Variants in MGAT4A observed in about 807,000 individuals in gnomAD.
The protein encoded by MGAT4A is N-acetylglucosaminyltransferase IVa.
In MGAT4A, 33 loss-of-function variants were observed where a neutral mutation model predicts 74.1. The observed-to-expected ratio is 0.45, with a 90% CI of 0.34 to 0.60. MGAT4A has a LOEUF of 0.60. Among genes scored for constraint, MGAT4A ranks in the 20% least tolerant of loss-of-function variants. MGAT4A has a pLI of 0.02. For synonymous variants in MGAT4A, 198 were observed against 210.4 expected, an observed-to-expected ratio of 0.94 and a Z score of 0.51; for missense variants, 479 against 628.3, an observed-to-expected ratio of 0.76 and a Z score of 2.54.
intron 14 of MGAT4A, among the ~76,000 whole-genome samples, chr2:98,629,597 T>C (rs1701197659): frequency 6.6e-6 from 1 of 152,138 alleles, no homozygotes; most frequent in South Asian, 2.1e-4. Context: ...TGCCCAGCAA[T>C]TTATCCTCTC....
chr2:98,663,401 A>G, intron 4 of MGAT4A: 1 of 1,511,972 alleles, frequency 6.6e-7, no homozygotes, highest in Non-Finnish European at 8.8e-7. Flanking sequence ...ACTGATAAAA[A>G]TGAAAGACAT....
chr2:98,689,537 A>G (rs1702168072), intron 2 of MGAT4A, among the ~76,000 whole-genome samples: 1 of 152,226 alleles, frequency 6.6e-6, no homozygotes, highest in Non-Finnish European at 1.5e-5. Context: ...TATTATAAAT[A>G]AGAAGGCTGG....
intron 2 of MGAT4A, among the ~76,000 whole-genome samples, chr2:98,697,865 TACA>T (rs1170067563): frequency 2.6e-5 from 4 of 152,188 alleles, no homozygotes; most frequent in South Asian, 4.1e-4. Context: ...TGTGTATTCA[TACA>T]ACAAGATTAA....
At chr2:98,649,040 C>A (rs370619319) in intron 8 of MGAT4A, among the ~76,000 whole-genome samples, 1 of 152,176 alleles carries the variant, frequency 6.6e-6, no homozygotes, top group East Asian at 1.9e-4. Context: ...CTCTGAAAAA[C>A]AAAAGAATGT....
rs925725793 is a variant in MGAT4A, at chr2:98,623,156, C to T, written c.*2410G>A. ...GGGTAGATTCATGGGGAGAGAAGCA[C>T]AAAAAAGTCCTGGAATGATAGGAAA... On this transcript the variant is annotated 3_prime_UTR_variant, in exon 16 of 16. Coordinates refer to ENST00000393487, the MANE Select transcript of MGAT4A (RefSeq NM_012214.3). The T allele has an allele frequency of 7.1e-6, 7 of 985,200 alleles. No individual in the cohort carries two copies. The highest frequency in any genetic ancestry group is 3.5e-5 in the African/African-American group (2 of 57,190). The allele number at this position is 985,200 out of a possible 1,614,324, so 61.0% of individuals were successfully genotyped here.
At position 98,679,405 on chromosome 2, in the gene MGAT4A, CAAAAAAAAAA is replaced by C. The variant is rs753919040; in HGVS notation, c.95-944_95-935del. On this transcript the variant is annotated intron_variant, in intron 2 of 15. Coordinates refer to ENST00000393487, the MANE Select transcript of MGAT4A (RefSeq NM_012214.3). ...TGGGCGACAGAGCAAGACTCCGTCT[CAAAAAAAAAA>C]AAAAAAAAAAAAAAGAGACCAGCCT... 2.7e-4 allele frequency among the ~76,000 whole-genome samples: 9 copies of C among 33,342 alleles called. No homozygotes were observed. The East Asian group carries it at 7.1e-3, about 26-fold the overall frequency. 21.9% of individuals were successfully genotyped at this position (33,342 alleles called of 152,430 possible). A position where few individuals can be genotyped will look rare whatever the true frequency, so the allele number is the denominator to read the frequency against.
At position 98,619,688 on chromosome 2, in the gene MGAT4A, A is replaced by G. The variant is rs1701017708; in HGVS notation, c.*5878T>C. 1 of 152,232 alleles carries G rather than the reference A, an allele frequency of 6.6e-6. No individual in the cohort carries two copies. The highest frequency in any genetic ancestry group is 1.5e-5 in the Non-Finnish European group (1 of 68,038). The allele number at this position is 152,232 out of a possible 1,614,324, so 9.4% of individuals were successfully genotyped here. A position where few individuals can be genotyped will look rare whatever the true frequency, so the allele number is the denominator to read the frequency against. On this transcript the variant is annotated 3_prime_UTR_variant, in exon 16 of 16. Coordinates refer to ENST00000393487, the MANE Select transcript of MGAT4A (RefSeq NM_012214.3). ...ATGTCTTCAAAAGATATTTTCACCA[A>G]ATTTGAGCAAACACTGAGCATTTCA...
intron 4 of MGAT4A, among the ~76,000 whole-genome samples, chr2:98,667,588 TG>T (rs1298108793): frequency 6.6e-6 from 1 of 152,210 alleles, no homozygotes; most frequent in Non-Finnish European, 1.5e-5. Flanking sequence ...CCTAGAGATT[TG>T]TGGAACTTTG....
At chr2:98,632,063 T>C (rs549574201) in intron 14 of MGAT4A, among the ~76,000 whole-genome samples, 101 of 151,772 alleles carry the variant, frequency 6.7e-4, no homozygotes, top group African/African-American at 2.3e-3. Context: ...TGAGCCGGGA[T>C]TGCACTACTG....
At chr2:98,726,114 G>C in intron 2 of MGAT4A, 125 bp downstream of exon 2, 1 of 602,694 alleles carries the variant, frequency 1.7e-6, no homozygotes, top group Non-Finnish European at 2.9e-6. Context: ...ATATCAGAAA[G>C]AAACTGCCAG....
intron 4 of MGAT4A, among the ~76,000 whole-genome samples, chr2:98,666,219 G>A (rs1427347289): frequency 6.6e-6 from 1 of 152,118 alleles, no homozygotes; most frequent in African/African-American, 2.4e-5. Flanking sequence ...TCAGCTGGCA[G>A]ACAAGAGAAG....
intron 2 of MGAT4A, among the ~76,000 whole-genome samples, chr2:98,708,235 T>C (rs1197193423): frequency 6.6e-6 from 1 of 152,116 alleles, no homozygotes; most frequent in African/African-American, 2.4e-5. Flanking sequence ...CCCAAAGTGC[T>C]GGGATTACAG....
chr2:98,678,249 A>AATATATATATAT (rs1553538281), intron 3 of MGAT4A, 55 bp downstream of exon 3: 33 of 263,854 alleles, frequency 1.3e-4, no homozygotes, highest in African/African-American at 3.7e-4. Context: ...AAAAAAAAAA[A>AATATATATATAT]ATATATATAT....
intron 14 of MGAT4A, among the ~76,000 whole-genome samples, chr2:98,626,710 T>C (rs1701149936): frequency 6.6e-6 from 1 of 152,172 alleles, no homozygotes; most frequent in Admixed American, 6.5e-5. Flanking sequence ...TTTTTGGTAA[T>C]ATAGGTATAC....
At chr2:98,718,076 A>G (rs72825784) in intron 2 of MGAT4A, among the ~76,000 whole-genome samples, 8,166 of 152,324 alleles carry the variant, frequency 0.054, 415 homozygotes, top group African/African-American at 0.12. Context: ...AGCTAACAGG[A>G]TATGAATCTG....
chr2:98,661,413 T>C (rs1275433979), intron 5 of MGAT4A, among the ~76,000 whole-genome samples: 2 of 152,080 alleles, frequency 1.3e-5, no homozygotes, highest in African/African-American at 2.4e-5. Flanking sequence ...TTAAAACTGG[T>C]GAGAGAAGCA....
intron 6 of MGAT4A, 93 bp downstream of exon 6, chr2:98,658,125 T>C (rs1461004117): frequency 2.5e-6 from 2 of 785,372 alleles, no homozygotes; most frequent in African/African-American, 1.8e-5. Context: ...CACAGAGAAA[T>C]GAACTATCAA....
chr2:98,686,834 T>C (rs2104298505), intron 2 of MGAT4A, among the ~76,000 whole-genome samples: 1 of 152,294 alleles, frequency 6.6e-6, no homozygotes, highest in African/African-American at 2.4e-5. Context: ...ATAATTTTCC[T>C]TGACTTCCCT....
Position 98,645,654 on chromosome 2 carries a change from A to G in MGAT4A, c.775-112T>C, listed in dbSNP as rs1403509745. ...CCTTTATCATGAAAATGAAGAAGAC[A>G]ATGGTAAAAACAATAAAAATATAAA... On this transcript the variant is annotated intron_variant, in intron 8 of 15. Transcript: ENST00000393487. 8 of 809,474 alleles carry G rather than the reference A, an allele frequency of 9.9e-6. No homozygotes were observed. The South Asian group carries it at 2.6e-4, about 26-fold the overall frequency. 50.1% of individuals were successfully genotyped at this position (809,474 alleles called of 1,614,324 possible). A position where few individuals can be genotyped will look rare whatever the true frequency, so the allele number is the denominator to read the frequency against.
Sources: gnomAD v4.1 joint callset for allele counts (sites outside exome capture counted in the v4.1 genomes callset) on GRCh38, gnomAD v4.1.1 for gene constraint, MANE v1.5 for transcripts, NCBI Gene and HGNC (gene_info 2026-07-23, HGNC 2026-07-21) for gene names.